The following COL23A1 variants were observed in gnomAD, a reference collection of about 807,000 sequenced individuals.
The protein encoded by COL23A1 is collagen type XXIII alpha 1 chain.
In COL23A1, 97 loss-of-function variants were observed where a neutral mutation model predicts 99.3. The ratio of observed to expected loss-of-function variants is 0.98; its 90% CI spans 0.83 to 1.16. COL23A1 has a LOEUF of 1.16. Ranked by LOEUF, COL23A1 falls within the 50% of genes most tolerant of loss-of-function variation. COL23A1 has a pLI of 0.00. For synonymous variants in COL23A1, 320 were observed against 308.2 expected (o/e 1.04, Z -0.40); for missense variants, 762 against 757.4 (o/e 1.01, Z -0.07).
chr5:178,417,212 C>T (rs1204864719), intron 2 of COL23A1, among the ~76,000 whole-genome samples: 1 of 152,160 alleles, frequency 6.6e-6, no homozygotes, highest in Non-Finnish European at 1.5e-5. Context: ...GATGTACATA[C>T]AACACATACA....
intron 2 of COL23A1, among the ~76,000 whole-genome samples, chr5:178,426,668 CG>C (rs1765956283): frequency 6.6e-6 from 1 of 152,074 alleles, no homozygotes; most frequent in Non-Finnish European, 1.5e-5. Context: ...ATTTGAAGAC[CG>C]GACTGTGAGA....
At chr5:178,502,271 A>T (rs1758591714) in intron 2 of COL23A1, among the ~76,000 whole-genome samples, 1 of 152,260 alleles carries the variant, frequency 6.6e-6, no homozygotes, top group African/African-American at 2.4e-5. Flanking sequence ...AGCTGGGACT[A>T]CAGGCGCCCG....
intron 1 of COL23A1, among the ~76,000 whole-genome samples, chr5:178,565,371 C>A (rs76979629): frequency 0.03 from 4,523 of 152,252 alleles, 279 homozygotes; most frequent in African/African-American, 0.1. Context: ...AGTACAGGCA[C>A]ACCACAAACA....
chr5:178,564,279 G>A (rs962269864), intron 1 of COL23A1, among the ~76,000 whole-genome samples: 3 of 152,132 alleles, frequency 2.0e-5, no homozygotes, highest in Non-Finnish European at 4.4e-5. Flanking sequence ...TGGTGAATCT[G>A]TAAAGTTTTC....
intron 16 of COL23A1, among the ~76,000 whole-genome samples, chr5:178,254,318 G>A (rs1428443528): frequency 6.6e-5 from 10 of 152,208 alleles, no homozygotes; most frequent in Admixed American, 6.5e-4. Flanking sequence ...GCCTGGGGGT[G>A]GGTGCCACAG....
chr5:178,239,220 G>A, intron 27 of COL23A1, 41 bp from the exon 28 acceptor site: 1 of 1,611,808 alleles, frequency 6.2e-7, no homozygotes, highest in Non-Finnish European at 8.5e-7. Context: ...ATGGGGCCTG[G>A]GGAGCTCCTC....
At chr5:178,517,248 G>T (rs1236399132) in intron 2 of COL23A1, among the ~76,000 whole-genome samples, 1 of 152,172 alleles carries the variant, frequency 6.6e-6, no homozygotes, top group Admixed American at 6.6e-5. Flanking sequence ...ACAAAGATTT[G>T]TTAAAGGGAT....
chr5:178,469,816 T>C (rs990901980), intron 2 of COL23A1, among the ~76,000 whole-genome samples: 1 of 152,148 alleles, frequency 6.6e-6, no homozygotes. Context: ...AAAGTCCTAA[T>C]GGTCTCGCAG....
intron 2 of COL23A1, among the ~76,000 whole-genome samples, chr5:178,421,934 C>CGG (rs140853722): frequency 2.6e-5 from 4 of 151,978 alleles, no homozygotes; most frequent in African/African-American, 9.7e-5. Flanking sequence ...TGAAGAACGC[C>CGG]GGGGGGTGGA....
At chr5:178,329,232 G>C (rs1225586279) in intron 2 of COL23A1, among the ~76,000 whole-genome samples, 1 of 152,212 alleles carries the variant, frequency 6.6e-6, no homozygotes, top group Non-Finnish European at 1.5e-5. Context: ...TACTGTATCT[G>C]ATTTCTTCTG....
intron 2 of COL23A1, among the ~76,000 whole-genome samples, chr5:178,368,910 G>A (rs1187107605): frequency 6.6e-6 from 1 of 152,240 alleles, no homozygotes; most frequent in Non-Finnish European, 1.5e-5. Context: ...GCACCCCGAG[G>A]GCTGCTCCTC....
Position 178,544,061 on chromosome 5 carries a change from G to A in COL23A1, c.361+16621C>T, listed in dbSNP as rs955145658. On this transcript the variant is annotated intron_variant, in intron 2 of 28. Coordinates refer to ENST00000390654, the MANE Select transcript of COL23A1 (RefSeq NM_173465.4). The surrounding 1 kb of genome is among the most constrained non-coding windows in gnomAD (Gnocchi z 4.4). The stretch of plus-strand genomic sequence containing the variant: ...AATCACCTCCTAACACCATTACCTT[G>A]GAGATTAGGATTTCAACATATGACT... 6.6e-6 allele frequency among the ~76,000 whole-genome samples: 1 copy of A among 152,070 alleles called. No individual in the cohort carries two copies. The highest frequency in any genetic ancestry group is 1.5e-5 in the Non-Finnish European group (1 of 68,014).
At chr5:178,510,889 A>G (rs1409339652) in intron 2 of COL23A1, among the ~76,000 whole-genome samples, 1 of 152,122 alleles carries the variant, frequency 6.6e-6, no homozygotes, top group African/African-American at 2.4e-5. Flanking sequence ...AGCGTGGCAC[A>G]TCCATTTGAC....
At chr5:178,580,349 A>G (rs1396848354) in intron 1 of COL23A1, among the ~76,000 whole-genome samples, 1 of 151,916 alleles carries the variant, frequency 6.6e-6, no homozygotes, top group Non-Finnish European at 1.5e-5. Context: ...AAAGAAAGAA[A>G]GAAACTAGAG....
intron 2 of COL23A1, among the ~76,000 whole-genome samples, chr5:178,473,130 C>T (rs1756847940): frequency 6.6e-6 from 1 of 151,248 alleles, no homozygotes; most frequent in Non-Finnish European, 1.5e-5. Context: ...TCGCCATCCC[C>T]CCAAAAAAAA....
At chr5:178,572,790 G>C (rs951846059) in intron 1 of COL23A1, among the ~76,000 whole-genome samples, 1 of 152,170 alleles carries the variant, frequency 6.6e-6, no homozygotes, top group African/African-American at 2.4e-5. Context: ...TCCATCAATA[G>C]CTGAATGGAT....
At chr5:178,269,057 C>A (rs143997389) in intron 6 of COL23A1, among the ~76,000 whole-genome samples, 5 of 152,138 alleles carry the variant, frequency 3.3e-5, no homozygotes, top group Admixed American at 1.3e-4. Flanking sequence ...AGAGCACACA[C>A]GGTCAGTTCC....
At chr5:178,375,506 A>G (rs1763024369) in intron 2 of COL23A1, among the ~76,000 whole-genome samples, 2 of 152,324 alleles carry the variant, frequency 1.3e-5, no homozygotes, top group Middle Eastern at 6.8e-3. Flanking sequence ...CACAGAGTCG[A>G]TGGTCTCACC....
At chr5:178,398,843 G>C (rs758316389) in intron 2 of COL23A1, among the ~76,000 whole-genome samples, 1 of 152,156 alleles carries the variant, frequency 6.6e-6, no homozygotes, top group Non-Finnish European at 1.5e-5. Context: ...CATGTCTCTC[G>C]TTAGGCTGTG....
Sources: allele counts gnomAD v4.1 joint callset (sites outside exome capture counted in the v4.1 genomes callset), GRCh38; gene constraint gnomAD v4.1.1; non-coding constraint Gnocchi (gnomAD v3.1); transcripts MANE v1.5; gene names NCBI Gene and HGNC (gene_info 2026-07-23, HGNC 2026-07-21).